The following ZNF804B variants were observed in gnomAD, a reference collection of about 807,000 sequenced individuals.
ZNF804B encodes the protein zinc finger protein 804B, also known as zinc finger 804B.
In ZNF804B, 80 loss-of-function variants were observed where a neutral mutation model predicts 101.4. That is an observed-to-expected ratio of 0.79 (90% CI 0.66 to 0.95). The LOEUF is 0.95. Ranked by LOEUF, ZNF804B falls within the 40% of genes least tolerant of loss-of-function variation. The pLI is 0.00. For missense variants in ZNF804B, 1,673 were observed against 1,561.9 expected (o/e 1.07, Z -1.20); for synonymous variants, 622 against 558.8 (o/e 1.11, Z -1.59).
In ZNF804B at chr7:89,334,685, T is replaced by G. The variant is rs1375548568; in HGVS notation, c.1703T>G (p.Phe568Cys). 6.2e-7 allele frequency: 1 copy of G among 1,613,688 alleles called. No individual in the cohort carries two copies. The highest frequency in any genetic ancestry group is 1.1e-5 in the South Asian group (1 of 91,070). The part of the protein sequence containing the change: ...DSEPNKSEYT[F>C]SANDLEMKNP... ...GAGCCAAATAAGAGTGAATATACTT[T>G]CAGTGCAAATGATTTGGAAATGAAA... is the stretch of plus-strand genomic sequence containing the variant. The change falls in exon 4 of 4, where the codon TTC (phenylalanine) becomes TGC (cysteine). Residue 568 changes from phenylalanine (F) to cysteine (C), a missense_variant. Physicochemically the swap from Phe to Cys is radical, Grantham distance 205. Transcript: ENST00000333190.
At chr7:88,958,386 A>C (rs1339830209) in intron 1 of ZNF804B, among the ~76,000 whole-genome samples, 1 of 151,522 alleles carries the variant, frequency 6.6e-6, no homozygotes, top group Non-Finnish European at 1.5e-5. Context: ...TGCTCATGTT[A>C]CATGTTTTAC....
At chr7:88,869,992 A>G (rs962044380) in intron 1 of ZNF804B, among the ~76,000 whole-genome samples, 16 of 152,150 alleles carry the variant, frequency 1.1e-4, no homozygotes, top group African/African-American at 2.9e-4. Flanking sequence ...ATACAATTAT[A>G]AAATAGTTGG....
intron 1 of ZNF804B, among the ~76,000 whole-genome samples, chr7:89,029,132 C>T (rs1403761364): frequency 6.6e-6 from 1 of 152,122 alleles, no homozygotes; most frequent in East Asian, 1.9e-4. Context: ...GAGACAGAGT[C>T]TCGCTCTGTT....
intron 1 of ZNF804B, among the ~76,000 whole-genome samples, chr7:89,132,633 C>A (rs527336046): frequency 9.9e-5 from 15 of 152,034 alleles, no homozygotes; most frequent in Non-Finnish European, 1.9e-4. Flanking sequence ...TTTATGTGAG[C>A]AGTTTTGAGA....
chr7:89,099,301 G>A (rs1212395781), intron 1 of ZNF804B, among the ~76,000 whole-genome samples: 1 of 151,852 alleles, frequency 6.6e-6, no homozygotes, highest in Non-Finnish European at 1.5e-5. Context: ...ATGATCTAAG[G>A]ACAGCTATAT....
At chr7:88,825,409 T>C (rs1454461406) in intron 1 of ZNF804B, among the ~76,000 whole-genome samples, 2 of 151,976 alleles carry the variant, frequency 1.3e-5, no homozygotes, top group Admixed American at 6.6e-5. Flanking sequence ...GCATCTAGTA[T>C]ATGGAGAACC....
chr7:89,314,398 G>C (rs117433125), intron 2 of ZNF804B, among the ~76,000 whole-genome samples: 1 of 151,934 alleles, frequency 6.6e-6, no homozygotes, highest in Non-Finnish European at 1.5e-5. Context: ...CAGTCATACT[G>C]TCCAGATGAA....
chr7:89,067,325 T>A (rs904432489), intron 1 of ZNF804B, among the ~76,000 whole-genome samples: 1 of 152,166 alleles, frequency 6.6e-6, no homozygotes, highest in African/African-American at 2.4e-5. Flanking sequence ...AGCCCAGGCC[T>A]TCGTAGGGCT....
chr7:88,895,761 C>T (rs546507701), intron 1 of ZNF804B, among the ~76,000 whole-genome samples: 39 of 152,070 alleles, frequency 2.6e-4, no homozygotes, highest in African/African-American at 6.3e-4. Context: ...GAAAGAGCTC[C>T]GAATATTCAA....
At chr7:88,984,266 C>T (rs1251124542) in intron 1 of ZNF804B, among the ~76,000 whole-genome samples, 1 of 152,032 alleles carries the variant, frequency 6.6e-6, no homozygotes, top group African/African-American at 2.4e-5. Flanking sequence ...ATATATCTAG[C>T]AGCAGCTTAG....
chr7:89,236,954 G>A (rs1339085161), intron 2 of ZNF804B, among the ~76,000 whole-genome samples: 1 of 152,000 alleles, frequency 6.6e-6, no homozygotes, highest in Non-Finnish European at 1.5e-5. Flanking sequence ...ATGACATGAA[G>A]GTAGTATGGA....
chr7:89,299,095 C>T (rs1442443748), intron 2 of ZNF804B, among the ~76,000 whole-genome samples: 5 of 151,936 alleles, frequency 3.3e-5, no homozygotes, highest in Admixed American at 1.3e-4. Context: ...TTCTTTTCAC[C>T]TCTTTGTTTT....
At chr7:89,031,927 T>A (rs1340292694) in intron 1 of ZNF804B, among the ~76,000 whole-genome samples, 1 of 151,876 alleles carries the variant, frequency 6.6e-6, no homozygotes, top group Admixed American at 6.6e-5. Flanking sequence ...AGCTAGATTT[T>A]ATTTCATATT....
intron 1 of ZNF804B, among the ~76,000 whole-genome samples, chr7:88,870,384 CAAA>C (rs1212123301): frequency 8.3e-5 from 3 of 36,080 alleles, no homozygotes; most frequent in East Asian, 6.1e-4. Context: ...AACTCCGTCT[CAAA>C]AAAAAAAAAA....
chr7:89,274,226 T>C (rs1172551736), intron 2 of ZNF804B, among the ~76,000 whole-genome samples: 2 of 147,214 alleles, frequency 1.4e-5, no homozygotes, highest in Admixed American at 6.8e-5. Context: ...TAGTTACATA[T>C]GTATACATGT....
intron 1 of ZNF804B, among the ~76,000 whole-genome samples, chr7:89,142,588 T>G (rs917828920): frequency 1.3e-5 from 2 of 151,940 alleles, no homozygotes; most frequent in African/African-American, 4.8e-5. Flanking sequence ...TGGAGTAAAT[T>G]TTCAGGATCT....
intron 1 of ZNF804B, among the ~76,000 whole-genome samples, chr7:88,962,947 T>C (rs1022394171): frequency 1.3e-5 from 2 of 150,732 alleles, no homozygotes; most frequent in Non-Finnish European, 3.0e-5. Flanking sequence ...AAAAATACCC[T>C]AGACAATTAA....
intron 1 of ZNF804B, among the ~76,000 whole-genome samples, chr7:89,207,617 T>A (rs945604457): frequency 6.6e-6 from 1 of 152,224 alleles, no homozygotes; most frequent in East Asian, 1.9e-4. Flanking sequence ...ACATTATTAT[T>A]AGCAAAATCT....
intron 1 of ZNF804B, among the ~76,000 whole-genome samples, chr7:89,132,392 G>A (rs985271235): frequency 3.3e-5 from 5 of 152,004 alleles, no homozygotes; most frequent in African/African-American, 1.2e-4. Context: ...CAGACTGGAA[G>A]TGAGGAAATT....
Sources: gnomAD v4.1 joint callset for allele counts (sites outside exome capture counted in the v4.1 genomes callset) on GRCh38, gnomAD v4.1.1 for gene constraint, MANE v1.5 for transcripts, NCBI Gene and HGNC (gene_info 2026-07-23, HGNC 2026-07-21) for gene names.